Variants in DDX31 observed in about 807,000 individuals in gnomAD.
DDX31 encodes DEAD-box helicase 31.
Under a neutral mutation model 91.3 loss-of-function variants are expected in DDX31, and 70 were observed. That is an observed-to-expected ratio of 0.77 (90% confidence interval 0.63 to 0.94). DDX31 has a LOEUF of 0.94. Ranked by LOEUF, DDX31 falls within the 40% of genes least tolerant of loss-of-function variation. The probability of loss-of-function intolerance (pLI) is 0.00; values close to 1 mark genes in which losing one functional copy is unlikely to be tolerated. For synonymous variants in DDX31, 362 were observed against 350.6 expected (o/e 1.03, Z -0.36); for missense variants, 902 against 925.0 (o/e 0.98, Z 0.32).
intron 3 of DDX31, 113 bp downstream of exon 3, chr9:132,662,148 A>G (rs2062793999): frequency 1.9e-6 from 2 of 1,033,256 alleles, no homozygotes; most frequent in Non-Finnish European, 2.9e-6. Flanking sequence ...GGTAACTTAG[A>G]GCAGAAACAA....
chr9:132,620,789 G>A (rs1485167287), intron 17 of DDX31, among the ~76,000 whole-genome samples: 3 of 152,124 alleles, frequency 2.0e-5, no homozygotes, highest in African/African-American at 4.8e-5. Flanking sequence ...TAATGAGAGC[G>A]GGTCAAACCC....
intron 6 of DDX31, 76 bp from the exon 7 acceptor site, chr9:132,652,568 G>T: frequency 6.4e-7 from 1 of 1,571,096 alleles, no homozygotes; most frequent in South Asian, 1.1e-5. Flanking sequence ...ACACAGGGGT[G>T]GCCGGTTGTA....
rs887151658 is a variant in DDX31, at chr9:132,605,326, C to T, written c.1994+6761G>A. On this transcript the variant is annotated intron_variant, in intron 19 of 19. Transcript: ENST00000372159. ...CATCTCAAATCTGAAAACTAATATGCTCCAAAACCCAAAGCTTTCTGAGCA... is the reference window on the plus strand; with the variant it reads ...CATCTCAAATCTGAAAACTAATATGTTCCAAAACCCAAAGCTTTCTGAGCA... Among the ~76,000 whole-genome samples, 6 of 152,142 alleles carry T rather than the reference C, an allele frequency of 3.9e-5. No individual in the cohort carries two copies. The East Asian group carries it at 1.2e-3, about 29-fold the overall frequency.
At chr9:132,632,113 G>A in intron 14 of DDX31, 22 bp from the exon 15 acceptor site, 5 of 1,608,928 alleles carry the variant, frequency 3.1e-6, no homozygotes, top group Non-Finnish European at 3.4e-6. Context: ...AAAAGAATAT[G>A]GTTTAACACT....
chr9:132,625,544 T>A, intron 17 of DDX31, 120 bp downstream of exon 17: 1 of 772,746 alleles, frequency 1.3e-6, no homozygotes. Flanking sequence ...CTAATGTTCA[T>A]GGTTCTTAAA....
intron 19 of DDX31, among the ~76,000 whole-genome samples, chr9:132,610,333 C>G (rs930976501): frequency 6.6e-6 from 1 of 152,250 alleles, no homozygotes; most frequent in African/African-American, 2.4e-5. Flanking sequence ...CACGTCCACA[C>G]TCATCTAGGC....
At chr9:132,616,286 T>C (rs573034363) in intron 18 of DDX31, among the ~76,000 whole-genome samples, 1 of 152,344 alleles carries the variant, frequency 6.6e-6, no homozygotes, top group East Asian at 1.9e-4. Flanking sequence ...ATTTCCTTCA[T>C]GGTACATAAA....
chr9:132,659,461 C>T (rs898271144), intron 5 of DDX31, among the ~76,000 whole-genome samples: 5 of 152,144 alleles, frequency 3.3e-5, no homozygotes, highest in African/African-American at 7.2e-5. Context: ...GGTAAAGCCC[C>T]GAAATAGGCT....
intron 19 of DDX31, among the ~76,000 whole-genome samples, chr9:132,601,401 C>T (rs1237476850): frequency 2.0e-5 from 3 of 152,158 alleles, no homozygotes; most frequent in East Asian, 3.8e-4. Flanking sequence ...GGGTTCGAAT[C>T]GCGGCTCTGC....
At chr9:132,598,801 A>G (rs1353722538) in intron 19 of DDX31, among the ~76,000 whole-genome samples, 3 of 152,248 alleles carry the variant, frequency 2.0e-5, no homozygotes, top group Non-Finnish European at 2.9e-5. Flanking sequence ...TGTTTGGGAA[A>G]GTCTTCATTC....
chr9:132,596,472 T>C (rs1830439085), intron 19 of DDX31, among the ~76,000 whole-genome samples: 1 of 152,168 alleles, frequency 6.6e-6, no homozygotes, highest in Admixed American at 6.5e-5. Context: ...CAGGAGTTTA[T>C]GGGGTGAGCA....
chr9:132,641,982 T>G, intron 14 of DDX31, 22 bp downstream of exon 14: 1 of 1,610,548 alleles, frequency 6.2e-7, no homozygotes, highest in Non-Finnish European at 8.5e-7. Context: ...AGCCTTCACA[T>G]GGAACACAGG....
At chr9:132,629,054 G>A (rs1482243282) in intron 16 of DDX31, among the ~76,000 whole-genome samples, 2 of 152,234 alleles carry the variant, frequency 1.3e-5, no homozygotes, top group Non-Finnish European at 2.9e-5. Flanking sequence ...TGTCAGCCTC[G>A]ATGCTGAAAG....
intron 14 of DDX31, among the ~76,000 whole-genome samples, chr9:132,636,841 C>T (rs1833150560): frequency 6.6e-6 from 1 of 152,182 alleles, no homozygotes; most frequent in East Asian, 1.9e-4. Flanking sequence ...GAGAACTGGA[C>T]TGCTTGCTCC....
chr9:132,659,633 G>A lies in DDX31; in HGVS notation c.523+77C>T, dbSNP rs7024878. 5.4e-3 allele frequency: 7,944 copies of A among 1,459,430 alleles called. 301 individuals carry two copies. The African/African-American group carries it at 0.09, about 17-fold the overall frequency. 90.4% of individuals were successfully genotyped at this position (1,459,430 alleles called of 1,614,324 possible). On this transcript the variant is annotated intron_variant, in intron 5 of 19. Transcript: ENST00000372159. Reference sequence around the variant, plus strand: ...CAAAACTGCCACCACCACCAACCCAGACACCGCATGGCAAAACCTAGTGCA... The same window carrying A: ...CAAAACTGCCACCACCACCAACCCAAACACCGCATGGCAAAACCTAGTGCA...
chr9:132,619,866 G>A (rs558077874), intron 17 of DDX31, among the ~76,000 whole-genome samples: 2 of 148,570 alleles, frequency 1.3e-5, no homozygotes, highest in Non-Finnish European at 3.0e-5. Context: ...CAGCGCAACT[G>A]TCACCTTCCC....
chr9:132,625,843 A>G (rs1832360845), intron 16 of DDX31, 98 bp from the exon 17 acceptor site: 2 of 829,594 alleles, frequency 2.4e-6, no homozygotes, highest in African/African-American at 1.7e-5. Flanking sequence ...CTAATTAGAC[A>G]TGAAGTAGAA....
intron 9 of DDX31, 145 bp from the exon 10 acceptor site, chr9:132,648,696 C>T: frequency 1.1e-6 from 1 of 937,298 alleles, no homozygotes; most frequent in Non-Finnish European, 1.5e-6. Flanking sequence ...AACATAAAAA[C>T]TGGGTAGAAA....
intron 9 of DDX31, among the ~76,000 whole-genome samples, chr9:132,648,776 AAACTTT>A (rs955699218): frequency 1.3e-5 from 2 of 152,196 alleles, no homozygotes; most frequent in African/African-American, 4.8e-5. Context: ...TAAAATCATA[AAACTTT>A]AACTTTGAAA....
Sources: gnomAD v4.1 joint callset for allele counts (sites outside exome capture counted in the v4.1 genomes callset) on GRCh38, gnomAD v4.1.1 for gene constraint, MANE v1.5 for transcripts, NCBI Gene and HGNC (gene_info 2026-07-23, HGNC 2026-07-21) for gene names.